Variants in UTRN observed in about 807,000 individuals in gnomAD.
UTRN encodes the protein dystrophin-related protein 1.
Under a neutral mutation model 463.9 loss-of-function variants are expected in UTRN, and 283 were observed. That is an observed-to-expected ratio of 0.61 (90% CI 0.55 to 0.67). The LOEUF is 0.67. UTRN is among the 30% of genes least tolerant of loss of function. UTRN has a pLI of 0.00. For synonymous variants in UTRN, 1,442 were observed against 1,431.5 expected (o/e 1.01, Z -0.17); for missense variants, 3,922 against 4,084.3 (o/e 0.96, Z 1.08).
chr6:144,467,593 A>G (rs1790089111), intron 23 of UTRN, among the ~76,000 whole-genome samples: 1 of 152,156 alleles, frequency 6.6e-6, no homozygotes, highest in South Asian at 2.1e-4. Context: ...ACATGAATGG[A>G]CTTGCTCTGA....
chr6:144,597,457 G>A (rs536913789), intron 51 of UTRN, among the ~76,000 whole-genome samples: 63 of 152,222 alleles, frequency 4.1e-4, no homozygotes, highest in South Asian at 1.9e-3. Flanking sequence ...ACTAATTCCT[G>A]TAGAGATGAG....
intron 34 of UTRN, among the ~76,000 whole-genome samples, chr6:144,506,857 T>C (rs1794733972): frequency 6.6e-6 from 1 of 152,184 alleles, no homozygotes; most frequent in African/African-American, 2.4e-5. Flanking sequence ...TTGAAGTGTG[T>C]TTTCCAACTT....
intron 54 of UTRN, among the ~76,000 whole-genome samples, chr6:144,739,355 A>C (rs1562844204): frequency 6.6e-6 from 1 of 152,214 alleles, no homozygotes; most frequent in Non-Finnish European, 1.5e-5. Flanking sequence ...GAAGATTTGA[A>C]ATTATTATAT....
intron 7 of UTRN, among the ~76,000 whole-genome samples, chr6:144,426,884 A>G (rs930333238): frequency 1.1e-4 from 17 of 152,242 alleles, no homozygotes; most frequent in Admixed American, 2.0e-4. Flanking sequence ...GATTCTAATT[A>G]TATAAAAGAC....
At position 144,523,119 on chromosome 6, in the gene UTRN, T is replaced by G. The variant is rs1211206805; in HGVS notation, c.5837T>G (p.Ile1946Ser). Residue 1946 changes from isoleucine to serine, a missense_variant, in exon 41 of 75, where the codon ATC becomes AGC. Transcript: ENST00000367545. ...LEASGPEAIQ[I>S]RDTLTQLNAK... ...GCCTCTGGACCTGAAGCCATTCAGA[T>G]CAGAGATACACTTACTCAGCTGAAT... The G allele has an allele frequency of 1.2e-6, 2 of 1,613,670 alleles. No homozygotes were observed. Among genetic ancestry groups the G allele is most frequent in the East Asian group, 4.5e-5 (2 of 44,848 alleles).
At chr6:144,411,968 G>A (rs1458100419) in intron 3 of UTRN, among the ~76,000 whole-genome samples, 1 of 152,100 alleles carries the variant, frequency 6.6e-6, no homozygotes, top group Non-Finnish European at 1.5e-5. Flanking sequence ...TTGTCGAGGT[G>A]TGGAAGGAAC....
At chr6:144,535,980 A>G (rs994136622) in intron 43 of UTRN, among the ~76,000 whole-genome samples, 1 of 152,152 alleles carries the variant, frequency 6.6e-6, no homozygotes, top group Non-Finnish European at 1.5e-5. Context: ...AGGTCTTGCC[A>G]TGTTGTCCAG....
In UTRN at chr6:144,462,725, G is replaced by C. The variant is rs769299512; in HGVS notation, c.2925G>C (p.Glu975Asp). ...TTGCAGAAGAAACAAAGGCTCTGGAGAAAAATGTTCATCCTGATGTAGAAA... is the reference window on the plus strand; with the variant it reads ...TTGCAGAAGAAACAAAGGCTCTGGACAAAAATGTTCATCCTGATGTAGAAA... ...HKLAEETKALEKNVHPDVEKL... is the reference protein window; with the variant it reads ...HKLAEETKALDKNVHPDVEKL... The change falls in exon 23 of 75, where the codon GAG becomes GAC. Residue 975 changes from glutamate (E) to aspartate (D), a missense_variant. By Grantham distance (45) the Glu-to-Asp change is conservative (BLOSUM62 2). Transcript: ENST00000367545. 78 of 1,610,590 alleles carry C rather than the reference G, an allele frequency of 4.8e-5. No individual in the cohort carries two copies. In the Middle Eastern group the frequency reaches 2.0e-3, roughly 41 times the overall value.
In UTRN at chr6:144,291,741, T is replaced by C; in HGVS notation, c.-88T>C. Reference sequence around the variant, plus strand: ...TACTTTCCCTTTTCCTTTTAGGTATTGATGTCAAGCTGAACCATCGTAGGA... The same window carrying C: ...TACTTTCCCTTTTCCTTTTAGGTATCGATGTCAAGCTGAACCATCGTAGGA... On this transcript the variant is annotated 5_prime_UTR_variant, in exon 2 of 75. Transcript: ENST00000367545. 1 of 1,091,456 alleles carries C rather than the reference T, an allele frequency of 9.2e-7. No homozygotes were observed. Among genetic ancestry groups the C allele is most frequent in the Non-Finnish European group, 1.3e-6 (1 of 764,308 alleles). 67.6% of individuals were successfully genotyped at this position (1,091,456 alleles called of 1,614,324 possible). A position where few individuals can be genotyped will look rare whatever the true frequency, so the allele number is the denominator to read the frequency against.
At chr6:144,325,793 G>A (rs73591108) in intron 2 of UTRN, among the ~76,000 whole-genome samples, 4,481 of 152,168 alleles carry the variant, frequency 0.029, 213 homozygotes, top group African/African-American at 0.1. Context: ...AAAGGAAGGA[G>A]CCACTTAGGG....
In UTRN at chr6:144,666,159, C is replaced by T. The variant is rs529549323; in HGVS notation, c.7480-12247C>T. 2.2e-3 allele frequency among the ~76,000 whole-genome samples: 333 copies of T among 152,272 alleles called. 1 individual carries two copies. The highest frequency in any genetic ancestry group is 7.7e-3 in the African/African-American group (320 of 41,572). The stretch of plus-strand genomic sequence containing the variant: ...AACTTTAATTTATTGTAGCATTTGA[C>T]GCCACATCAGGGTCATGATCTGACA... On this transcript the variant is annotated intron_variant, in intron 51 of 74. Transcript: ENST00000367545.
chr6:144,606,809 C>A (rs1804895731), intron 51 of UTRN, among the ~76,000 whole-genome samples: 1 of 152,094 alleles, frequency 6.6e-6, no homozygotes, highest in Admixed American at 6.6e-5. Flanking sequence ...GTGTAAGTGC[C>A]AATATTAACT....
intron 13 of UTRN, 52 bp from the exon 14 acceptor site, chr6:144,444,229 A>T: frequency 7.2e-7 from 1 of 1,392,860 alleles, no homozygotes; most frequent in Non-Finnish European, 1.0e-6. Flanking sequence ...AAGGATTGTG[A>T]TAACTCTCTC....
At chr6:144,586,123 G>A (rs1802440425) in intron 51 of UTRN, among the ~76,000 whole-genome samples, 1 of 151,896 alleles carries the variant, frequency 6.6e-6, no homozygotes, top group Non-Finnish European at 1.5e-5. Flanking sequence ...TCTCTTGTTT[G>A]TCAGAAGATA....
intron 3 of UTRN, among the ~76,000 whole-genome samples, chr6:144,414,383 T>A (rs1584686451): frequency 1.3e-5 from 2 of 152,140 alleles, no homozygotes; most frequent in East Asian, 3.8e-4. Context: ...AATACAGTTT[T>A]AAAAATTGAA....
intron 51 of UTRN, among the ~76,000 whole-genome samples, chr6:144,602,086 T>C (rs958856881): frequency 6.6e-6 from 1 of 152,136 alleles, no homozygotes; most frequent in Non-Finnish European, 1.5e-5. Context: ...AGTTTTATCA[T>C]GAGTCAATTG....
At chr6:144,616,330 G>A (rs1806090421) in intron 51 of UTRN, among the ~76,000 whole-genome samples, 1 of 152,114 alleles carries the variant, frequency 6.6e-6, no homozygotes, top group Non-Finnish European at 1.5e-5. Context: ...AGAATTTAAA[G>A]ACAATTTGTT....
At chr6:144,783,697 T>C (rs1776058263) in intron 61 of UTRN, among the ~76,000 whole-genome samples, 1 of 152,220 alleles carries the variant, frequency 6.6e-6, no homozygotes, top group Admixed American at 6.5e-5. Context: ...TATGTACTTT[T>C]GTACCAATTA....
At chr6:144,316,081 T>C (rs1216244650) in intron 2 of UTRN, among the ~76,000 whole-genome samples, 3 of 152,286 alleles carry the variant, frequency 2.0e-5, no homozygotes, top group East Asian at 3.9e-4. Flanking sequence ...CCTGGCACAG[T>C]GGCTCACGTC....
Sources: allele counts gnomAD v4.1 joint callset (sites outside exome capture counted in the v4.1 genomes callset), GRCh38; gene constraint gnomAD v4.1.1; transcripts MANE v1.5; gene names NCBI Gene and HGNC (gene_info 2026-07-23, HGNC 2026-07-21).